SLC41A1: variants seen among roughly 807,000 people sequenced by gnomAD.
SLC41A1 encodes solute carrier family 41 (magnesium transporter), member 1.
In SLC41A1, 20 loss-of-function variants were observed where a neutral mutation model predicts 47.3. The observed-to-expected ratio is 0.42, with a 90% CI of 0.30 to 0.61. The LOEUF (loss-of-function observed/expected upper bound fraction) is 0.61. Ranked by LOEUF, SLC41A1 falls within the 20% of genes least tolerant of loss-of-function variation. SLC41A1 has a pLI of 0.17. For missense variants in SLC41A1, 504 were observed against 674.1 expected, an observed-to-expected ratio of 0.75 and a Z score of 2.79; for synonymous variants, 282 against 272.7, an observed-to-expected ratio of 1.03 and a Z score of -0.34.
rs768929818 is a variant in SLC41A1, at chr1:205,791,610, G to A, written c.1465C>T (p.Leu489Phe). The A allele has an allele frequency of 3.7e-6, 6 of 1,614,076 alleles. No homozygotes were observed. Among genetic ancestry groups the A allele is most frequent in the Non-Finnish European group, 5.1e-6 (6 of 1,180,044 alleles). The change falls in exon 11 of 11, where the codon CTT (leucine) becomes TTT (phenylalanine). Residue 489 changes from leucine (L) to phenylalanine (F), a missense_variant. Leu to Phe is a conservative substitution (Grantham distance 22, BLOSUM62 0). Transcript: ENST00000367137. The surrounding 1 kb of genome is among the most constrained non-coding windows in gnomAD (Gnocchi z 4.0). ...CTGAGTGCTAGGAGCCCAGTGCCAAGCAGGTCCCCCAGAGCAGTCAAGTAT... is the reference window on the plus strand; with the variant it reads ...CTGAGTGCTAGGAGCCCAGTGCCAAACAGGTCCCCCAGAGCAGTCAAGTAT... The part of the protein sequence containing the change: ...IPYLTALGDL[L>F]GTGLLALSFH...
intron 5 of SLC41A1, 48 bp from the exon 6 acceptor site, chr1:205,798,863 G>C (rs773570068): frequency 6.2e-7 from 1 of 1,614,176 alleles, no homozygotes; most frequent in Non-Finnish European, 8.5e-7. Flanking sequence ...AAGAGATAAA[G>C]GAGTCTCAAC....
At position 205,791,567 on chromosome 1, in the gene SLC41A1, A is replaced by C; in HGVS notation, c.1508T>G (p.Leu503Arg). ...LLALSFHVLWLIGDRDTDVGD is the reference protein window; with the variant it reads ...LLALSFHVLWRIGDRDTDVGD ...GACATCCGTGTCTCGGTCCCCTATG[A>C]GCCAGAGAACATGGAAGCTGAGTGC... The change falls in exon 11 of 11, where the codon CTC becomes CGC. Residue 503 changes from leucine to arginine, a missense_variant. Leu to Arg is a moderately radical substitution (Grantham distance 102). Transcript: ENST00000367137. The surrounding 1 kb of genome is among the most constrained non-coding windows in gnomAD (Gnocchi z 4.0). 1 of 1,614,176 alleles carries C rather than the reference A, an allele frequency of 6.2e-7. No individual in the cohort carries two copies. Among genetic ancestry groups the C allele is most frequent in the Non-Finnish European group, 8.5e-7 (1 of 1,180,028 alleles).
chr1:205,795,584 CT>C, intron 8 of SLC41A1, 106 bp from the exon 9 acceptor site: 6 of 1,420,168 alleles, frequency 4.2e-6, no homozygotes, highest in Non-Finnish European at 5.9e-6. Context: ...GCACTGTCCT[CT>C]GTCTTAATTT....
At position 205,792,681 on chromosome 1, in the gene SLC41A1, C is replaced by T. The variant is rs1655652072; in HGVS notation, c.1357-963G>A. Among the ~76,000 whole-genome samples the T allele has an allele frequency of 1.3e-5, 2 of 152,144 alleles. 1 individual carries two copies. Among genetic ancestry groups the T allele is most frequent in the South Asian group, 4.1e-4 (2 of 4,822 alleles). On this transcript the variant is annotated intron_variant, in intron 10 of 10. Coordinates refer to ENST00000367137, the MANE Select transcript of SLC41A1 (RefSeq NM_173854.6). ...ACCACGGTGGGGCAGGCCTGAATCT[C>T]CTAGAATCTGCACAGTGCCTGACAT...
At chr1:205,811,129 T>G (rs1367874997) in intron 1 of SLC41A1, 42 bp from the exon 2 acceptor site, 1 of 153,686 alleles carries the variant, frequency 6.5e-6, no homozygotes, top group Admixed American at 6.4e-5. Flanking sequence ...AACATTACAC[T>G]ATAGCAAAGG....
In SLC41A1 at chr1:205,809,339, A is replaced by G. The variant is rs535783210; in HGVS notation, c.372+731T>C. 5.9e-5 allele frequency among the ~76,000 whole-genome samples: 9 copies of G among 152,302 alleles called. No individual in the cohort carries two copies. In the East Asian group the frequency reaches 1.3e-3, roughly 23 times the overall value. On this transcript the variant is annotated intron_variant, in intron 2 of 10. Transcript: ENST00000367137. ...TCCTTCATTCTACCCAATGTCCTCA[A>G]AAAGAACCCTCTTTGCCCAGGGCAG...
chr1:205,805,554 T>C (rs1655997430), intron 2 of SLC41A1, among the ~76,000 whole-genome samples: 1 of 152,082 alleles, frequency 6.6e-6, no homozygotes, highest in Non-Finnish European at 1.5e-5. Context: ...CTGATGGGGA[T>C]GAAAAAGGGC....
At chr1:205,802,814 C>CCTG in intron 2 of SLC41A1, among the ~76,000 whole-genome samples, 3 of 151,228 alleles carry the variant, frequency 2.0e-5, no homozygotes, top group Admixed American at 6.6e-5. Context: ...TAAGAGATCA[C>CCTG]CTCACACTCA....
At position 205,791,643 on chromosome 1, in the gene SLC41A1, A is replaced by C. The variant is rs762218635; in HGVS notation, c.1432T>G (p.Ser478Ala). The C allele has an allele frequency of 6.2e-7, 1 of 1,614,142 alleles. No individual in the cohort carries two copies. Among genetic ancestry groups the C allele is most frequent in the Non-Finnish European group, 8.5e-7 (1 of 1,180,024 alleles). ...WGRGLDPDNF[S>A]IPYLTALGDL... ...CCCAGAGCAGTCAAGTATGGGATGG[A>C]GAAGTTGTCCGGGTCCAGGCCCCGG... The change falls in exon 11 of 11, where the codon TCC (serine) becomes GCC (alanine). Residue 478 changes from serine (S) to alanine (A), a missense_variant. Ser to Ala is a moderately conservative substitution (Grantham distance 99, BLOSUM62 1). Around this residue, in one of 2 missense-constraint regions of SLC41A1, gnomAD observed 421 missense variants for 601.6 expected, o/e 0.70. Transcript: ENST00000367137. This position sits in a 1 kb window ranked among gnomAD's most constrained non-coding sequence, Gnocchi z 4.0.
At chr1:205,794,548 TGGGG>T (rs1167350306) in intron 10 of SLC41A1, among the ~76,000 whole-genome samples, 2 of 152,108 alleles carry the variant, frequency 1.3e-5, no homozygotes, top group Non-Finnish European at 2.9e-5. Flanking sequence ...CTGTGGCCAG[TGGGG>T]TTGGCATGCA....
At position 205,800,065 on chromosome 1, in the gene SLC41A1, G is replaced by A. The variant is rs556478264; in HGVS notation, c.481-235C>T. On this transcript the variant is annotated intron_variant, in intron 3 of 10. Coordinates refer to ENST00000367137, the MANE Select transcript of SLC41A1 (RefSeq NM_173854.6). ...TTGGAAGGGGGTCCCCTAGGCAGTC[G>A]CCTCTCTTCCTCTCAGGACACCAGC... is the stretch of plus-strand genomic sequence containing the variant. Among the ~76,000 whole-genome samples, 25 of 152,348 alleles carry A rather than the reference G, an allele frequency of 1.6e-4. No individual in the cohort carries two copies. In the South Asian group the frequency reaches 3.1e-3, roughly 19 times the overall value.
chr1:205,802,209 A>C (rs1444222254), intron 2 of SLC41A1, among the ~76,000 whole-genome samples: 1 of 152,030 alleles, frequency 6.6e-6, no homozygotes, highest in African/African-American at 2.4e-5. Flanking sequence ...GCCAAGCACT[A>C]TGTTTGGCAA....
chr1:205,798,406 T>G (rs897292878), intron 6 of SLC41A1, among the ~76,000 whole-genome samples: 10 of 152,140 alleles, frequency 6.6e-5, no homozygotes, highest in African/African-American at 2.4e-4. Context: ...TCCTTTACCC[T>G]TTCCACCTCA....
chr1:205,799,363 G>C (rs573934295), intron 4 of SLC41A1, among the ~76,000 whole-genome samples: 1 of 152,204 alleles, frequency 6.6e-6, no homozygotes, highest in African/African-American at 2.4e-5. Context: ...TGGGAGTGAG[G>C]TTCAACAGAG....
chr1:205,801,526 TAG>T (rs950816901), intron 2 of SLC41A1: 183 of 215,528 alleles, frequency 8.5e-4, no homozygotes, highest in African/African-American at 4.0e-3. Context: ...CTGGGGAGAT[TAG>T]AGAGTTTGTT....
chr1:205,799,678 T>C, intron 4 of SLC41A1, 81 bp downstream of exon 4: 1 of 1,468,900 alleles, frequency 6.8e-7, no homozygotes, highest in Non-Finnish European at 9.4e-7. Context: ...CTCAGGAGCC[T>C]GCTGGGGCTG....
rs1219169954 is a variant in SLC41A1, at chr1:205,790,955, G to C, written c.*578C>G. The C allele has an allele frequency of 6.2e-6, 1 of 162,462 alleles. No homozygotes were observed. Among genetic ancestry groups the C allele is most frequent in the African/African-American group, 2.4e-5 (1 of 41,482 alleles). The allele number at this position is 162,462 out of a possible 1,614,324, so 10.1% of individuals were successfully genotyped here. A position where few individuals can be genotyped will look rare whatever the true frequency, so the allele number is the denominator to read the frequency against. ...TCCACCTTACTCTTTCTGCGAGTGGGAACGCTTAGGTCCAGAGGGCAAGAG... is the reference window on the plus strand; with the variant it reads ...TCCACCTTACTCTTTCTGCGAGTGGCAACGCTTAGGTCCAGAGGGCAAGAG... On this transcript the variant is annotated 3_prime_UTR_variant, in exon 11 of 11. Transcript: ENST00000367137.
intron 2 of SLC41A1, among the ~76,000 whole-genome samples, 153 bp downstream of exon 2, chr1:205,809,917 C>T (rs1260302531): frequency 6.6e-6 from 1 of 152,128 alleles, no homozygotes; most frequent in African/African-American, 2.4e-5. Flanking sequence ...GGAACTAGAC[C>T]AAGAAGAAAC....
intron 2 of SLC41A1, chr1:205,801,332 T>C (rs1207887038): frequency 2.4e-6 from 1 of 417,480 alleles, no homozygotes; most frequent in Non-Finnish European, 4.5e-6. Flanking sequence ...TTTTCTGTTT[T>C]CCTGGAGGTG....
Sources: gnomAD v4.1 joint callset for allele counts (sites outside exome capture counted in the v4.1 genomes callset) on GRCh38, gnomAD v4.1.1 for gene constraint, gnomAD v4.1.1 regional missense constraint, Gnocchi (gnomAD v3.1) non-coding constraint, MANE v1.5 for transcripts, NCBI Gene and HGNC (gene_info 2026-07-23, HGNC 2026-07-21) for gene names.